CHD7: variants seen among roughly 807,000 people sequenced by gnomAD.
CHD7 encodes ATP-dependent chromatin remodeler CHD7.
A neutral mutation model predicts 307.3 loss-of-function variants in CHD7; 24 were observed. The observed-to-expected ratio is 0.08, with a 90% CI of 0.06 to 0.11. The LOEUF is 0.11. Ranked by LOEUF, CHD7 falls within the 10% of genes least tolerant of loss-of-function variation. The probability of loss-of-function intolerance (pLI) is 1.00; values close to 1 mark genes in which losing one functional copy is unlikely to be tolerated. For synonymous variants in CHD7, 1,363 were observed against 1,349.9 expected (o/e 1.01, Z -0.21); for missense variants, 3,106 against 3,727.1 (o/e 0.83, Z 4.34).
At chr8:60,701,747 TC>T (rs1173885641) in intron 1 of CHD7, among the ~76,000 whole-genome samples, 1 of 152,260 alleles carries the variant, frequency 6.6e-6, no homozygotes, top group Non-Finnish European at 1.5e-5. Flanking sequence ...TAGTAACAGT[TC>T]CATGTGAACT....
At chr8:60,764,179 C>G (rs528683615) in intron 2 of CHD7, among the ~76,000 whole-genome samples, 1 of 151,864 alleles carries the variant, frequency 6.6e-6, no homozygotes, top group Non-Finnish European at 1.5e-5. Context: ...TTAGTAGAGA[C>G]GGGGTTTCAC....
Position 60,860,871 on chromosome 8 carries a change from G to A in CHD7, c.7609-33G>A, listed in dbSNP as rs778250107. ...ACATTGTCAGAGGCTCTCTCTTCGT[G>A]TGAGAATTCATACCATTGTGAACTT... On this transcript the variant is annotated intron_variant, in intron 34 of 37. Transcript: ENST00000423902. 2.6e-6 allele frequency: 4 copies of A among 1,518,198 alleles called. No individual in the cohort carries two copies. The East Asian group carries it at 6.8e-5, about 26-fold the overall frequency. 94.0% of individuals were successfully genotyped at this position (1,518,198 alleles called of 1,614,324 possible). A position where few individuals can be genotyped will look rare whatever the true frequency, so the allele number is the denominator to read the frequency against.
In CHD7 at chr8:60,852,896, C is replaced by T. The variant is rs1367377938; in HGVS notation, c.6171C>T (p.Arg2057=). 3.7e-6 allele frequency: 6 copies of T among 1,614,022 alleles called. No homozygotes were observed. The highest frequency in any genetic ancestry group is 5.1e-6 in the Non-Finnish European group (6 of 1,179,904). ...TEERASRTLY[R]IELLRKIREQ... ...AGCGAGCCTCTCGAACTCTGTACCG[C>T]ATTGAGCTGCTACGGAAGATCCGCG... The change falls in exon 31 of 38, where the codon CGC becomes CGT. Residue 2057 remains arginine (R), a synonymous_variant. Coordinates refer to ENST00000423902, the MANE Select transcript of CHD7 (RefSeq NM_017780.4).
At position 60,836,114 on chromosome 8, in the gene CHD7, A is replaced by G. The variant is rs1331474623; in HGVS notation, c.3820A>G (p.Asn1274Asp). 1 of 1,613,256 alleles carries G rather than the reference A, an allele frequency of 6.2e-7. No homozygotes were observed. Among genetic ancestry groups the G allele is most frequent in the Admixed American group, 1.7e-5 (1 of 59,906 alleles). ...KILEEFKETH[N>D]AESPDFQLQA... ...TTTGGAAGAGTTTAAAGAAACACAC[A>G]ATGCAGAGTCTCCAGATTTTCAGCT... Residue 1274 changes from asparagine to aspartate, a missense_variant, in exon 16 of 38, where the codon AAT becomes GAT. Around this residue, in one of 10 missense-constraint regions of CHD7, gnomAD observed 232 missense variants for 422.5 expected, o/e 0.55. Coordinates refer to ENST00000423902, the MANE Select transcript of CHD7 (RefSeq NM_017780.4).
intron 2 of CHD7, among the ~76,000 whole-genome samples, chr8:60,761,250 C>G (rs953559076): frequency 2.0e-5 from 3 of 148,446 alleles, no homozygotes; most frequent in Non-Finnish European, 4.4e-5. Context: ...GAACAAAAAA[C>G]CAAACACCGC....
At position 60,845,000 on chromosome 8, in the gene CHD7, T is replaced by C; in HGVS notation, c.4987T>C (p.Phe1663Leu). ...CAAAGGGGATGAGAATATCAAAAGC[T>C]TCATCTGGGATCTGATCACACCCAC... ...HYKGDENIKS[F>L]IWDLITPTAD... The change falls in exon 22 of 38, where the codon TTC becomes CTC. Residue 1663 changes from phenylalanine to leucine, a missense_variant. Around this residue, in one of 10 missense-constraint regions of CHD7, gnomAD observed 28 missense variants for 64.7 expected, o/e 0.43. Coordinates refer to ENST00000423902, the MANE Select transcript of CHD7 (RefSeq NM_017780.4). The C allele has an allele frequency of 6.2e-7, 1 of 1,613,966 alleles. No homozygotes were observed. Among genetic ancestry groups the C allele is most frequent in the Non-Finnish European group, 8.5e-7 (1 of 1,179,878 alleles).
At chr8:60,792,204 A>G (rs146591252) in intron 3 of CHD7, among the ~76,000 whole-genome samples, 3 of 152,234 alleles carry the variant, frequency 2.0e-5, no homozygotes, top group East Asian at 1.9e-4. Context: ...CATATCCACC[A>G]TTCTAGATTA....
chr8:60,762,011 T>C (rs912165865), intron 2 of CHD7, among the ~76,000 whole-genome samples: 20 of 152,152 alleles, frequency 1.3e-4, no homozygotes, highest in African/African-American at 4.8e-4. Flanking sequence ...TTGTATTCTC[T>C]TTACTTCCTT....
At chr8:60,738,199 A>G (rs1808801484) in intron 1 of CHD7, among the ~76,000 whole-genome samples, 1 of 152,226 alleles carries the variant, frequency 6.6e-6, no homozygotes, top group Non-Finnish European at 1.5e-5. Context: ...ATAGGAATTG[A>G]GATGTACTGT....
intron 2 of CHD7, among the ~76,000 whole-genome samples, chr8:60,760,145 C>A (rs1586281137): frequency 6.6e-6 from 1 of 152,142 alleles, no homozygotes; most frequent in African/African-American, 2.4e-5. Context: ...TATACATATA[C>A]TCAGAGTTGA....
chr8:60,713,222 C>T (rs2150527487), intron 1 of CHD7, among the ~76,000 whole-genome samples: 1 of 152,154 alleles, frequency 6.6e-6, no homozygotes, highest in East Asian at 2.0e-4. Context: ...AGCGATTCTC[C>T]TGCTTCAGCC....
chr8:60,858,378 G>C (rs1021185315), intron 34 of CHD7, among the ~76,000 whole-genome samples: 8 of 152,216 alleles, frequency 5.3e-5, no homozygotes, highest in Admixed American at 4.6e-4. Flanking sequence ...TAATGGACTA[G>C]CTGTGACTTA....
At chr8:60,769,886 T>A (rs964325395) in intron 2 of CHD7, among the ~76,000 whole-genome samples, 2 of 152,220 alleles carry the variant, frequency 1.3e-5, no homozygotes, top group African/African-American at 4.8e-5. Context: ...TAGACAAAAA[T>A]AAAGCCCTGC....
At chr8:60,684,730 T>C (rs1247311790) in intron 1 of CHD7, among the ~76,000 whole-genome samples, 1 of 152,136 alleles carries the variant, frequency 6.6e-6, no homozygotes, top group Non-Finnish European at 1.5e-5. Context: ...ATATCAAATT[T>C]GGGATTTTTG....
intron 1 of CHD7, among the ~76,000 whole-genome samples, chr8:60,687,682 GTAGT>G (rs1294605596): frequency 6.6e-6 from 1 of 152,170 alleles, no homozygotes; most frequent in Non-Finnish European, 1.5e-5. Context: ...TTCCAGTTGG[GTAGT>G]TACTCAGCTG....
intron 2 of CHD7, among the ~76,000 whole-genome samples, chr8:60,776,625 A>G (rs1810966374): frequency 6.6e-6 from 1 of 152,236 alleles, no homozygotes; most frequent in Non-Finnish European, 1.5e-5. Context: ...GTTTACTGTT[A>G]GAGCCTCAAA....
intron 1 of CHD7, among the ~76,000 whole-genome samples, chr8:60,738,561 A>G (rs929033465): frequency 3.3e-5 from 5 of 152,200 alleles, no homozygotes; most frequent in African/African-American, 4.8e-5. Flanking sequence ...GACTTGGGAA[A>G]GTGGGCATTC....
At chr8:60,807,167 T>C (rs1255223933) in intron 6 of CHD7, among the ~76,000 whole-genome samples, 1 of 152,264 alleles carries the variant, frequency 6.6e-6, no homozygotes, top group African/African-American at 2.4e-5. Flanking sequence ...CAGTCTGTTA[T>C]CCAGTAGAAG....
rs912810188 is a variant in CHD7, at chr8:60,862,538, C to G, written c.7972-10C>G. On this transcript the variant is annotated splice_polypyrimidine_tract_variant and intron_variant, in intron 36 of 37. Transcript: ENST00000423902. ...GTGTTTTTAATCATTTGTCAAATGC[C>G]TCTACCCAGATGGGTGGAGCTATGG... 1.9e-6 allele frequency: 3 copies of G among 1,560,142 alleles called. No individual in the cohort carries two copies. Among genetic ancestry groups the G allele is most frequent in the Non-Finnish European group, 2.6e-6 (3 of 1,150,812 alleles).
Sources: gnomAD v4.1 joint callset for allele counts (sites outside exome capture counted in the v4.1 genomes callset) on GRCh38, gnomAD v4.1.1 for gene constraint, gnomAD v4.1.1 regional missense constraint, MANE v1.5 for transcripts, NCBI Gene and HGNC (gene_info 2026-07-23, HGNC 2026-07-21) for gene names.